Variants in TPM3 observed in about 807,000 individuals in gnomAD.
The protein encoded by TPM3 is tropomyosin 3.
A neutral mutation model predicts 43.1 loss-of-function variants in TPM3; 16 were observed. The observed-to-expected ratio is 0.37, with a 90% CI of 0.25 to 0.56. The LOEUF (loss-of-function observed/expected upper bound fraction) is 0.56, where lower values mean the gene tolerates loss of function less well. TPM3 is among the 20% of genes least tolerant of loss of function. TPM3 has a pLI of 0.77. For synonymous variants in TPM3, 101 were observed against 116.9 expected, an observed-to-expected ratio of 0.86 and a Z score of 0.88; for missense variants, 176 against 337.2, an observed-to-expected ratio of 0.52 and a Z score of 3.74.
intron 3 of TPM3, among the ~76,000 whole-genome samples, chr1:154,175,017 A>G (rs539312444): frequency 5.3e-5 from 8 of 152,142 alleles, no homozygotes; most frequent in African/African-American, 1.9e-4. Context: ...CATGGTTCTC[A>G]ACCCTAGGAA....
chr1:154,170,945 A>G (rs1034859647), intron 6 of TPM3: 2 of 578,158 alleles, frequency 3.5e-6, no homozygotes, highest in African/African-American at 3.7e-5. Flanking sequence ...AGATGGATCT[A>G]AGCTTTGATA....
intron 5 of TPM3, chr1:154,172,115 T>C (rs992330020): frequency 1.7e-5 from 27 of 1,613,740 alleles, no homozygotes; most frequent in Non-Finnish European, 2.1e-5. Flanking sequence ...CTGTTAGTGA[T>C]AGTCACGGGG....
At chr1:154,171,015 T>C (rs1284567820) in intron 6 of TPM3, 2 of 525,874 alleles carry the variant, frequency 3.8e-6, no homozygotes, top group South Asian at 2.1e-5. Context: ...GCAAGAGTAG[T>C]AGCACCCCAA....
At chr1:154,191,567 G>A in intron 1 of TPM3, 5 of 1,341,770 alleles carry the variant, frequency 3.7e-6, no homozygotes, top group Non-Finnish European at 4.9e-6. Flanking sequence ...AATATCTAAA[G>A]TGTAGATGCC....
chr1:154,176,014 G>A (rs1662263078), intron 3 of TPM3, 101 bp downstream of exon 3: 9 of 1,578,154 alleles, frequency 5.7e-6, no homozygotes, highest in South Asian at 2.2e-5. Flanking sequence ...GCCATCACAC[G>A]CAGCCAGAAT....
intron 2 of TPM3, among the ~76,000 whole-genome samples, chr1:154,181,396 A>G (rs1199045714): frequency 1.3e-5 from 2 of 152,228 alleles, no homozygotes; most frequent in African/African-American, 4.8e-5. Flanking sequence ...AAGAAAAACA[A>G]AAACAAAAAC....
chr1:154,161,755 T>C (rs1304607736), downstream of TPM3, among the ~76,000 whole-genome samples: 1 of 152,022 alleles, frequency 6.6e-6, no homozygotes, highest in Non-Finnish European at 1.5e-5. Context: ...AGGATCTTTA[T>C]CCCTCAAAGC....
At position 154,167,287 on chromosome 1, in the gene TPM3, A is replaced by AT; in HGVS notation, c.*649dup. 3.0e-6 allele frequency: 3 copies of AT among 984,426 alleles called. No homozygotes were observed. The highest frequency in any genetic ancestry group is 3.6e-6 in the Non-Finnish European group (3 of 829,012). The allele number at this position is 984,426 out of a possible 1,614,324, so 61.0% of individuals were successfully genotyped here. ...GTATTTTTCTGTGACTGGAGTTGAC[A>AT]TAATTAGTCAATCTTAGCAATAATG... On this transcript the variant is annotated 3_prime_UTR_variant, in exon 10 of 10. Coordinates refer to ENST00000651641, the MANE Select transcript of TPM3 (RefSeq NM_152263.4).
At chr1:154,171,853 A>G in intron 5 of TPM3, 1 of 779,484 alleles carries the variant, frequency 1.3e-6, no homozygotes, top group Non-Finnish European at 2.2e-6. Flanking sequence ...CAGTGAAGCA[A>G]CTAGGAAAGA....
downstream of TPM3, among the ~76,000 whole-genome samples, chr1:154,159,316 C>T (rs1660120252): frequency 6.6e-6 from 1 of 152,250 alleles, no homozygotes; most frequent in South Asian, 2.1e-4. Flanking sequence ...AGAAAAAATG[C>T]TTCCTTCACA....
downstream of TPM3, among the ~76,000 whole-genome samples, chr1:154,158,456 A>G (rs1660023400): frequency 6.6e-6 from 1 of 152,236 alleles, no homozygotes. Flanking sequence ...ACTGCTCTAA[A>G]GAGGTGAGGA....
downstream of TPM3, chr1:154,155,380 C>A: frequency 3.1e-6 from 1 of 326,566 alleles, no homozygotes; most frequent in Non-Finnish European, 5.7e-6. Context: ...AACACCACAC[C>A]CTCCGCCCGA....
rs58289686 is a variant in TPM3 at position 154,162,364 on chromosome 1, C to CA, written c.*5572dup. Reference sequence around the variant, plus strand: ...TGGGCAACAGAGCAAGACTCCGTCTCAAAAAAAAAAAAAAAAAAAAACACA... The same window carrying CA: ...TGGGCAACAGAGCAAGACTCCGTCTCAAAAAAAAAAAAAAAAAAAAAACACA... On this transcript the variant is annotated 3_prime_UTR_variant, in exon 10 of 10. Transcript: ENST00000651641. 0.35 allele frequency among the ~76,000 whole-genome samples: 26,246 copies of CA among 74,858 alleles called. 4,909 individuals are homozygous for CA. The highest frequency in any genetic ancestry group is 0.48 in the Admixed American group (2,940 of 6,072). The allele number at this position is 74,858 out of a possible 152,430, so 49.1% of individuals were successfully genotyped here.
Position 154,169,315 on chromosome 1 carries a change from T to C in TPM3, c.844A>G (p.Met282Val), listed in dbSNP as rs1661325667. Residue 282 changes from methionine (M) to valine (V), a missense_variant, in exon 9 of 10, where the codon ATG becomes GTG. Physicochemically the swap from Met to Val is conservative, Grantham distance 21. This residue lies in a region of TPM3 where 26 missense variants were observed against 21.8 expected (regional missense o/e 1.19). Coordinates refer to ENST00000651641, the MANE Select transcript of TPM3 (RefSeq NM_152263.4). Reference sequence around the variant, plus strand: ...CTGTCAGATAGTTACATAGAGGTCATGTCATTGAGGGCGTGGTCCAGCTCC... The same window carrying C: ...CTGTCAGATAGTTACATAGAGGTCACGTCATTGAGGGCGTGGTCCAGCTCC... ...SEELDHALND[M>V]TSI is the part of the protein sequence containing the mutation. The C allele has an allele frequency of 1.2e-6, 2 of 1,614,208 alleles. No individual in the cohort carries two copies. The highest frequency in any genetic ancestry group is 2.7e-5 in the African/African-American group (2 of 75,060).
chr1:154,186,930 CCCT>C (rs1287536525), intron 2 of TPM3, among the ~76,000 whole-genome samples: 1 of 151,626 alleles, frequency 6.6e-6, no homozygotes, highest in Non-Finnish European at 1.5e-5. Flanking sequence ...GTTATTGACT[CCCT>C]CCTCCTTCTC....
rs1218683104 is a variant in TPM3 at position 154,192,044 on chromosome 1, C to A, written c.-26G>T. The A allele has an allele frequency of 6.3e-7, 1 of 1,591,134 alleles. No individual in the cohort carries two copies. Among genetic ancestry groups the A allele is most frequent in the East Asian group, 2.2e-5 (1 of 44,762 alleles). On this transcript the variant is annotated 5_prime_UTR_variant, in exon 1 of 10. The change creates a new upstream start codon in the 5' untranslated region. Coordinates refer to ENST00000651641, the MANE Select transcript of TPM3 (RefSeq NM_152263.4). ...GAGCAGTGGCTGTTGGTAGGCTCAC[C>A]TGTGAACACTGGAGAACTGGAGACT...
chr1:154,166,551 A>G lies in TPM3; in HGVS notation c.*1386T>C. On this transcript the variant is annotated 3_prime_UTR_variant, in exon 10 of 10. Transcript: ENST00000651641. ...CAGGCAAGTGCCATTGCACCCAGCT[A>G]AAAGAAAAGCAAATTTTAAATACAT... The G allele has an allele frequency of 1.9e-6, 2 of 1,057,312 alleles. No homozygotes were observed. Among genetic ancestry groups the G allele is most frequent in the South Asian group, 9.1e-5 (2 of 21,920 alleles). 65.5% of individuals were successfully genotyped at this position (1,057,312 alleles called of 1,614,324 possible).
intron 2 of TPM3, among the ~76,000 whole-genome samples, chr1:154,179,100 C>T (rs1310371943): frequency 6.6e-6 from 1 of 152,226 alleles, no homozygotes; most frequent in Non-Finnish European, 1.5e-5. Context: ...AGATAAAAGC[C>T]ACAGATAAAA....
rs1199495206 is a variant in TPM3 at position 154,162,483 on chromosome 1, G to T, written c.*5454C>A. Among the ~76,000 whole-genome samples the T allele has an allele frequency of 1.3e-5, 2 of 151,700 alleles. No homozygotes were observed. Among genetic ancestry groups the T allele is most frequent in the Admixed American group, 1.3e-4 (2 of 15,240 alleles). On this transcript the variant is annotated 3_prime_UTR_variant, in exon 10 of 10. Transcript: ENST00000651641. ...AAGATAAAGCTGCCAAACAGAATAG[G>T]TCTAAGATAAAGCTGCCAAACAGAA...
Sources: gnomAD v4.1 joint callset for allele counts (sites outside exome capture counted in the v4.1 genomes callset) on GRCh38, gnomAD v4.1.1 for gene constraint, gnomAD v4.1.1 regional missense constraint, MANE v1.5 for transcripts, NCBI Gene and HGNC (gene_info 2026-07-23, HGNC 2026-07-21) for gene names.